PPM1H: variants seen among roughly 807,000 people sequenced by gnomAD.
PPM1H encodes the protein protein phosphatase 1H.
In PPM1H, 27 loss-of-function variants were observed where a neutral mutation model predicts 54.9. That is an observed-to-expected ratio of 0.49 (90% CI 0.36 to 0.68). The LOEUF (loss-of-function observed/expected upper bound fraction) is 0.68. Ranked by LOEUF, PPM1H falls within the 30% of genes least tolerant of loss-of-function variation. The pLI is 0.00. For missense variants in PPM1H, 596 were observed against 667.8 expected, an observed-to-expected ratio of 0.89 and a Z score of 1.19; for synonymous variants, 305 against 270.8, an observed-to-expected ratio of 1.13 and a Z score of -1.24.
chr12:62,772,834 G>A (rs537545218), intron 4 of PPM1H, among the ~76,000 whole-genome samples: 5 of 152,124 alleles, frequency 3.3e-5, no homozygotes, highest in Non-Finnish European at 7.4e-5. Context: ...AGCGGGAGGC[G>A]CCAAGAGTGG....
At chr12:62,755,911 C>A in intron 4 of PPM1H, 2 of 786,870 alleles carry the variant, frequency 2.5e-6, no homozygotes, top group Admixed American at 1.8e-5. Flanking sequence ...ATGGGAAGTT[C>A]ACTGGCATGG....
At chr12:62,778,871 C>T (rs2076625696) in intron 4 of PPM1H, among the ~76,000 whole-genome samples, 1 of 151,680 alleles carries the variant, frequency 6.6e-6, no homozygotes, top group South Asian at 2.1e-4. Context: ...TTTGAGGCTG[C>T]AGTGAGCTAT....
At chr12:62,856,467 T>G (rs2120953456) in intron 1 of PPM1H, among the ~76,000 whole-genome samples, 1 of 152,328 alleles carries the variant, frequency 6.6e-6, no homozygotes, top group South Asian at 2.1e-4. Context: ...TTGTCTCTTT[T>G]TTTTATTTTG....
At chr12:62,845,226 A>G (rs141206321) in intron 1 of PPM1H, among the ~76,000 whole-genome samples, 1 of 152,248 alleles carries the variant, frequency 6.6e-6, no homozygotes, top group Non-Finnish European at 1.5e-5. Context: ...CTACCCAGCC[A>G]TGCAATGAGT....
Position 62,658,182 on chromosome 12 carries a change from A to ATTTTTTTTTT in PPM1H, c.1397+8986_1397+8995dup, listed in dbSNP as rs1173229360. Among the ~76,000 whole-genome samples, 85 of 87,512 alleles carry ATTTTTTTTTT rather than the reference A, an allele frequency of 9.7e-4. 1 individual carries two copies. Among genetic ancestry groups the ATTTTTTTTTT allele is most frequent in the African/African-American group, 1.3e-3 (30 of 22,338 alleles). 57.4% of individuals were successfully genotyped at this position (87,512 alleles called of 152,430 possible). ...GAGACCAGCCTGGGTAACACGGTGA[A>ATTTTTTTTTT]TTTTTTTTTTTTTTTTTTTTTTTTT... On this transcript the variant is annotated intron_variant, in intron 9 of 9. Coordinates refer to ENST00000228705, the MANE Select transcript of PPM1H (RefSeq NM_020700.2).
intron 5 of PPM1H, among the ~76,000 whole-genome samples, chr12:62,733,950 T>G (rs574695114): frequency 4.3e-4 from 66 of 152,232 alleles, no homozygotes; most frequent in African/African-American, 1.6e-3. Context: ...GTGGGATCTT[T>G]GCTACCGACT....
At chr12:62,927,354 C>A (rs10506468) in intron 1 of PPM1H, among the ~76,000 whole-genome samples, 10 of 152,112 alleles carry the variant, frequency 6.6e-5, no homozygotes, top group African/African-American at 2.4e-4. Context: ...ATTAGGCAGT[C>A]GACATATAAG....
At chr12:62,697,393 A>G (rs2076120686) in intron 6 of PPM1H, among the ~76,000 whole-genome samples, 1 of 151,934 alleles carries the variant, frequency 6.6e-6, no homozygotes, top group Admixed American at 6.6e-5. Flanking sequence ...GCTGGGATTG[A>G]TCCATGTTCT....
At chr12:62,913,667 T>C (rs553213886) in intron 1 of PPM1H, among the ~76,000 whole-genome samples, 2 of 152,166 alleles carry the variant, frequency 1.3e-5, no homozygotes, top group African/African-American at 4.8e-5. Context: ...AGACAAGTTT[T>C]TGACAAAGTA....
At chr12:62,809,565 C>G (rs1000945291) in intron 2 of PPM1H, among the ~76,000 whole-genome samples, 4 of 152,126 alleles carry the variant, frequency 2.6e-5, no homozygotes, top group Non-Finnish European at 4.4e-5. Context: ...GTGGCCTGGG[C>G]AATGCAACTG....
chr12:62,875,359 G>C (rs1393880781), intron 1 of PPM1H, among the ~76,000 whole-genome samples: 2 of 152,168 alleles, frequency 1.3e-5, no homozygotes, highest in African/African-American at 4.8e-5. Flanking sequence ...AGCTTGCTCT[G>C]ATCTTAAAAG....
intron 6 of PPM1H, among the ~76,000 whole-genome samples, chr12:62,704,686 T>C (rs1020609983): frequency 2.0e-5 from 3 of 152,228 alleles, no homozygotes; most frequent in Non-Finnish European, 2.9e-5. Flanking sequence ...AGAGGGCTGG[T>C]AGCAGCCTAG....
chr12:62,746,966 T>C (rs2120561968), intron 4 of PPM1H, among the ~76,000 whole-genome samples: 1 of 152,292 alleles, frequency 6.6e-6, no homozygotes, highest in South Asian at 2.1e-4. Flanking sequence ...TTTTTTCTTT[T>C]TTTGAGACAG....
At position 62,726,622 on chromosome 12, in the gene PPM1H, T is replaced by C. The variant is rs147586724; in HGVS notation, c.955-6333A>G. Among the ~76,000 whole-genome samples, 70 of 152,256 alleles carry C rather than the reference T, an allele frequency of 4.6e-4. No individual in the cohort carries two copies. In the East Asian group the frequency reaches 0.013, roughly 29 times the overall value. On this transcript the variant is annotated intron_variant, in intron 5 of 9. Coordinates refer to ENST00000228705, the MANE Select transcript of PPM1H (RefSeq NM_020700.2). ...CAGGGGCCTGGCTCCAATGCGGGGA[T>C]GTGGAAGCCGCAGATTCCCATCAGG... is the stretch of plus-strand genomic sequence containing the variant.
intron 3 of PPM1H, among the ~76,000 whole-genome samples, chr12:62,801,071 T>C (rs2120743835): frequency 6.6e-6 from 1 of 152,336 alleles, no homozygotes; most frequent in East Asian, 1.9e-4. Flanking sequence ...TGAACCACAT[T>C]CCCAGTTGTG....
At chr12:62,860,221 T>C (rs1393544934) in intron 1 of PPM1H, among the ~76,000 whole-genome samples, 1 of 152,022 alleles carries the variant, frequency 6.6e-6, no homozygotes, top group Non-Finnish European at 1.5e-5. Context: ...ACCATTACCA[T>C]TAGATCTCGT....
intron 1 of PPM1H, among the ~76,000 whole-genome samples, chr12:62,881,375 T>A (rs1356597981): frequency 6.6e-6 from 1 of 150,604 alleles, no homozygotes; most frequent in East Asian, 1.9e-4. Flanking sequence ...CTAAATAAGC[T>A]GATAATCAGT....
chr12:62,824,036 G>A (rs182386422), intron 2 of PPM1H, among the ~76,000 whole-genome samples: 7,396 of 141,872 alleles, frequency 0.052, 246 homozygotes, highest in Middle Eastern at 0.085. Flanking sequence ...TAAGCTGATA[G>A]GCAACTTCAG....
intron 8 of PPM1H, among the ~76,000 whole-genome samples, chr12:62,684,001 G>T (rs899086652): frequency 2.0e-5 from 3 of 152,154 alleles, no homozygotes; most frequent in African/African-American, 7.2e-5. Context: ...TGTGAGGAGA[G>T]CCTGGGCTCC....
Sources: allele counts gnomAD v4.1 joint callset (sites outside exome capture counted in the v4.1 genomes callset), GRCh38; gene constraint gnomAD v4.1.1; transcripts MANE v1.5; gene names NCBI Gene and HGNC (gene_info 2026-07-23, HGNC 2026-07-21).